MFHAS1: variants seen among roughly 807,000 people sequenced by gnomAD.
MFHAS1 encodes the protein multifunctional ROCO family signaling regulator 1, also known as malignant fibrous histiocytoma-amplified sequence 1.
A neutral mutation model predicts 70.4 loss-of-function variants in MFHAS1; 50 were observed. That is an observed-to-expected ratio of 0.71 (90% CI 0.57 to 0.90). The LOEUF is 0.90. Among genes scored for constraint, MFHAS1 ranks in the 40% least tolerant of loss-of-function variants. The pLI, the probability that MFHAS1 is intolerant of heterozygous loss-of-function variation, is 0.00. For synonymous variants in MFHAS1, 952 were observed against 620.0 expected (o/e 1.54, Z -7.96); for missense variants, 1,795 against 1,347.6 (o/e 1.33, Z -5.20).
At chr8:8,792,272 C>T (rs1275095538) in intron 2 of MFHAS1, among the ~76,000 whole-genome samples, 3 of 97,862 alleles carry the variant, frequency 3.1e-5, no homozygotes, top group Non-Finnish European at 6.5e-5. Flanking sequence ...CATACTAACA[C>T]ACCAGCCTGC....
At chr8:8,807,102 G>A (rs1037619373) in intron 1 of MFHAS1, among the ~76,000 whole-genome samples, 3 of 152,082 alleles carry the variant, frequency 2.0e-5, no homozygotes, top group Non-Finnish European at 4.4e-5. Context: ...AAAGCTGAGC[G>A]GCCCCTGAAG....
Position 8,890,802 on chromosome 8 carries a change from G to C in MFHAS1, c.2257C>G (p.Leu753Val). 6.2e-7 allele frequency: 1 copy of C among 1,614,192 alleles called. No individual in the cohort carries two copies. The highest frequency in any genetic ancestry group is 2.2e-5 in the East Asian group (1 of 44,890). The stretch of plus-strand genomic sequence containing the variant: ...TTGCCCTCTCCACTGGTCCCTAGGA[G>C]CAGCTTATGCAGCAGCAAAGAGGGA... Reference protein sequence around the residue: ...RDPSLLLHKLLLGTSGEGKAE... With the variant: ...RDPSLLLHKLVLGTSGEGKAE... The change falls in exon 1 of 3, where the codon CTC becomes GTC. Residue 753 changes from leucine (L) to valine (V), a missense_variant. Leu to Val is a conservative substitution (Grantham distance 32). Coordinates refer to ENST00000276282, the MANE Select transcript of MFHAS1 (RefSeq NM_004225.3).
rs540102878 is a variant in MFHAS1 at position 8,831,342 on chromosome 8, A to AT, written c.2999-33852dup. ...CTTTGAAAAATGATACTCTTACTTC[A>AT]TTTTTCCAATATGAGTAGAATAATG... is the stretch of plus-strand genomic sequence containing the variant. On this transcript the variant is annotated intron_variant, in intron 1 of 2. Coordinates refer to ENST00000276282, the MANE Select transcript of MFHAS1 (RefSeq NM_004225.3). 4.0e-3 allele frequency among the ~76,000 whole-genome samples: 601 copies of AT among 151,870 alleles called. 3 individuals carry two copies. Among genetic ancestry groups the AT allele is most frequent in the Admixed American group, 7.5e-3 (114 of 15,196 alleles).
rs550859562 is a variant in MFHAS1, at chr8:8,878,081, C to T, written c.2998+11980G>A. Among the ~76,000 whole-genome samples, 14 of 151,682 alleles carry T rather than the reference C, an allele frequency of 9.2e-5. No homozygotes were observed. The South Asian group carries it at 2.9e-3, about 31-fold the overall frequency. On this transcript the variant is annotated intron_variant, in intron 1 of 2. Coordinates refer to ENST00000276282, the MANE Select transcript of MFHAS1 (RefSeq NM_004225.3). Reference sequence around the variant, plus strand: ...CAGTGTGGCCTTTCTGGGAACCCTTCTCTGAGACCCCTGATGGCGCTCTCC... The same window carrying T: ...CAGTGTGGCCTTTCTGGGAACCCTTTTCTGAGACCCCTGATGGCGCTCTCC...
chr8:8,798,127 C>T (rs945243286), intron 1 of MFHAS1, among the ~76,000 whole-genome samples: 4 of 152,176 alleles, frequency 2.6e-5, no homozygotes, highest in African/African-American at 4.8e-5. Context: ...CTTAAAGGAA[C>T]GCTATTACTC....
At chr8:8,855,334 C>T (rs1036420956) in intron 1 of MFHAS1, among the ~76,000 whole-genome samples, 6 of 152,162 alleles carry the variant, frequency 3.9e-5, no homozygotes, top group South Asian at 2.1e-4. Flanking sequence ...GGCATCTTAC[C>T]ACAGGAGCTC....
At chr8:8,839,967 C>G (rs1447219971) in intron 1 of MFHAS1, among the ~76,000 whole-genome samples, 1 of 152,054 alleles carries the variant, frequency 6.6e-6, no homozygotes, top group Admixed American at 6.5e-5. Flanking sequence ...AGATACAAAC[C>G]CACTAGTATT....
chr8:8,816,182 G>A (rs1806735985), intron 1 of MFHAS1, among the ~76,000 whole-genome samples: 1 of 152,186 alleles, frequency 6.6e-6, no homozygotes, highest in Non-Finnish European at 1.5e-5. Context: ...ATGGAAGTGA[G>A]CAAGGAGTGA....
At chr8:8,816,918 G>A (rs770174664) in intron 1 of MFHAS1, among the ~76,000 whole-genome samples, 3 of 152,148 alleles carry the variant, frequency 2.0e-5, no homozygotes, top group Non-Finnish European at 2.9e-5. Context: ...ATATAAGCGT[G>A]GCTTCTTTCT....
Position 8,890,433 on chromosome 8 carries a change from C to G in MFHAS1, c.2626G>C (p.Val876Leu). The part of the protein sequence containing the change: ...NGTNLAGQSF[V>L]AEQLQIEYSF... ...TATTCAATCTGCAACTGCTCAGCCA[C>G]AAAAGACTGCCCAGCTAGGTTGGTC... Residue 876 changes from valine (V) to leucine (L), a missense_variant, in exon 1 of 3, where the codon GTG becomes CTG. Val to Leu is a conservative substitution (Grantham distance 32, BLOSUM62 1). Coordinates refer to ENST00000276282, the MANE Select transcript of MFHAS1 (RefSeq NM_004225.3). The G allele has an allele frequency of 6.2e-7, 1 of 1,613,972 alleles. No individual in the cohort carries two copies. Among genetic ancestry groups the G allele is most frequent in the Non-Finnish European group, 8.5e-7 (1 of 1,180,040 alleles).
chr8:8,873,444 A>C (rs1039138775), intron 1 of MFHAS1, among the ~76,000 whole-genome samples: 1 of 151,816 alleles, frequency 6.6e-6, no homozygotes, highest in Non-Finnish European at 1.5e-5. Context: ...TTTTAAACAC[A>C]GAAGCAACTA....
At chr8:8,875,956 A>G (rs1197261536) in intron 1 of MFHAS1, among the ~76,000 whole-genome samples, 1 of 152,186 alleles carries the variant, frequency 6.6e-6, no homozygotes, top group Non-Finnish European at 1.5e-5. Flanking sequence ...CAGAGATCAT[A>G]CTGTATTCCA....
intron 1 of MFHAS1, among the ~76,000 whole-genome samples, chr8:8,852,193 A>T (rs1465804150): frequency 6.6e-6 from 1 of 152,162 alleles, no homozygotes; most frequent in East Asian, 1.9e-4. Context: ...AACATACCAC[A>T]ATGTCCAGGT....
At chr8:8,812,779 C>A (rs1295564172) in intron 1 of MFHAS1, among the ~76,000 whole-genome samples, 1 of 144,342 alleles carries the variant, frequency 6.9e-6, no homozygotes, top group Non-Finnish European at 1.5e-5. Context: ...TTCTTTTTTG[C>A]CTTTTTGATA....
intron 2 of MFHAS1, among the ~76,000 whole-genome samples, chr8:8,789,974 T>A (rs1187433496): frequency 1.3e-5 from 2 of 152,098 alleles, no homozygotes; most frequent in Non-Finnish European, 2.9e-5. Flanking sequence ...TCCCTTTCCC[T>A]ACTTGTGACC....
intron 2 of MFHAS1, among the ~76,000 whole-genome samples, chr8:8,796,614 G>A (rs1805905041): frequency 1.4e-5 from 2 of 146,128 alleles, no homozygotes; most frequent in South Asian, 2.2e-4. Flanking sequence ...AACCCGGAAG[G>A]CGGAGCTTGC....
chr8:8,787,502 A>G (rs969866289), intron 2 of MFHAS1, among the ~76,000 whole-genome samples: 9 of 152,208 alleles, frequency 5.9e-5, no homozygotes, highest in South Asian at 2.1e-4. Flanking sequence ...AAGCTCAAAG[A>G]GAAGTTGGAT....
chr8:8,805,507 A>G (rs1806255083), intron 1 of MFHAS1, among the ~76,000 whole-genome samples: 1 of 152,170 alleles, frequency 6.6e-6, no homozygotes, highest in African/African-American at 2.4e-5. Flanking sequence ...GGTCTTCCTC[A>G]TCATTGTCTG....
intron 1 of MFHAS1, among the ~76,000 whole-genome samples, chr8:8,798,376 AGT>A (rs1460804294): frequency 1.3e-5 from 2 of 152,132 alleles, no homozygotes; most frequent in African/African-American, 4.8e-5. Context: ...CCCAGGCTGA[AGT>A]GCAGTGGCCT....
Sources: allele counts gnomAD v4.1 joint callset (sites outside exome capture counted in the v4.1 genomes callset), GRCh38; gene constraint gnomAD v4.1.1; transcripts MANE v1.5; gene names NCBI Gene and HGNC (gene_info 2026-07-23, HGNC 2026-07-21).